ZFAT: variants seen among roughly 807,000 people sequenced by gnomAD.
ZFAT encodes the protein zinc finger protein ZFAT.
ZFAT carries 64 observed loss-of-function variants against 117.7 expected under a neutral mutation model. The observed-to-expected ratio is 0.54, with a 90% CI of 0.44 to 0.67. The LOEUF (loss-of-function observed/expected upper bound fraction) is 0.67, where lower values mean the gene tolerates loss of function less well. ZFAT is among the 30% of genes least tolerant of loss of function. ZFAT has a pLI of 0.00. For synonymous variants in ZFAT, 679 were observed against 615.0 expected (o/e 1.10, Z -1.54); for missense variants, 1,433 against 1,584.5 (o/e 0.90, Z 1.62).
chr8:134,698,480 T>C (rs188557070), intron 1 of ZFAT, among the ~76,000 whole-genome samples: 2 of 152,306 alleles, frequency 1.3e-5, no homozygotes, highest in African/African-American at 2.4e-5. Context: ...TGCTAAAGAA[T>C]TCTGAACTAA....
chr8:134,769,295 G>T, the ZFAT span, among the ~76,000 whole-genome samples: 13 of 152,318 alleles, frequency 8.5e-5, 1 homozygote, highest in East Asian at 1.3e-3. Context: ...TTCAATGGGG[G>T]TATAGCCATT....
At chr8:134,764,623 C>T in the ZFAT span, among the ~76,000 whole-genome samples, 1 of 152,220 alleles carries the variant, frequency 6.6e-6, no homozygotes, top group African/African-American at 2.4e-5. Flanking sequence ...TAAATCACTT[C>T]CCTCCATGAG....
chr8:134,671,682 A>G (rs1174650940), intron 1 of ZFAT, among the ~76,000 whole-genome samples: 8 of 152,186 alleles, frequency 5.3e-5, no homozygotes, highest in South Asian at 2.1e-4. Context: ...CATTCCCTTT[A>G]AAAACTGGCA....
intron 1 of ZFAT, 95 bp downstream of exon 1, chr8:134,712,743 GCCGGCGC>G: frequency 8.4e-7 from 1 of 1,192,152 alleles, no homozygotes; most frequent in Non-Finnish European, 1.1e-6. Flanking sequence ...GCGGCCGGCG[GCCGGCGC>G]ACTGCTTCCC....
At chr8:134,589,191 T>G (rs1173258140) in intron 8 of ZFAT, among the ~76,000 whole-genome samples, 1 of 152,076 alleles carries the variant, frequency 6.6e-6, no homozygotes, top group Non-Finnish European at 1.5e-5. Flanking sequence ...TCAGCAAAGG[T>G]TAGCTGTTTT....
At chr8:134,667,179 A>G (rs1030584711) in intron 1 of ZFAT, among the ~76,000 whole-genome samples, 4 of 152,136 alleles carry the variant, frequency 2.6e-5, no homozygotes, top group Non-Finnish European at 5.9e-5. Flanking sequence ...CAAAAAGGTA[A>G]TGCACGCAGG....
intron 11 of ZFAT, among the ~76,000 whole-genome samples, chr8:134,558,386 A>G (rs551399539): frequency 6.6e-6 from 1 of 152,292 alleles, no homozygotes; most frequent in Non-Finnish European, 1.5e-5. Context: ...TGAAATAATT[A>G]TATCAGTGTT....
chr8:134,788,021 T>G, the ZFAT span, among the ~76,000 whole-genome samples: 1 of 152,148 alleles, frequency 6.6e-6, no homozygotes, highest in African/African-American at 2.4e-5. Flanking sequence ...ATTTTCTTCT[T>G]TCTAAACGTT....
At chr8:134,641,563 C>T (rs1490427908) in intron 2 of ZFAT, among the ~76,000 whole-genome samples, 4 of 152,184 alleles carry the variant, frequency 2.6e-5, no homozygotes, top group Admixed American at 6.5e-5. Flanking sequence ...GGTGTGTATG[C>T]GCCCACACCA....
chr8:134,609,326 A>G (rs1828144592), intron 4 of ZFAT, among the ~76,000 whole-genome samples: 1 of 152,202 alleles, frequency 6.6e-6, no homozygotes, highest in Non-Finnish European at 1.5e-5. Context: ...TTGCTTAAAG[A>G]AATATCAAAA....
chr8:134,812,858 A>T, the ZFAT span, among the ~76,000 whole-genome samples: 1 of 152,316 alleles, frequency 6.6e-6, no homozygotes, highest in Middle Eastern at 3.4e-3. Context: ...AATCCCCATA[A>T]CAACACTATT....
chr8:134,568,669 G>C (rs1824655787), intron 10 of ZFAT, among the ~76,000 whole-genome samples: 1 of 152,198 alleles, frequency 6.6e-6, no homozygotes. Context: ...CTCTGCAAGA[G>C]ACAAGAAAAG....
At chr8:134,791,387 T>TG in the ZFAT span, among the ~76,000 whole-genome samples, 1 of 152,186 alleles carries the variant, frequency 6.6e-6, no homozygotes, top group Non-Finnish European at 1.5e-5. Context: ...CTCTTGCTGT[T>TG]AAAGTCTCAG....
intron 11 of ZFAT, among the ~76,000 whole-genome samples, chr8:134,544,356 G>C (rs1274301441): frequency 6.6e-6 from 1 of 152,068 alleles, no homozygotes; most frequent in African/African-American, 2.4e-5. Flanking sequence ...AAGATTGCTT[G>C]CCTCTTTCTG....
At chr8:134,508,845 CTTCT>C (rs1819604204) in intron 15 of ZFAT, among the ~76,000 whole-genome samples, 1 of 152,208 alleles carries the variant, frequency 6.6e-6, no homozygotes, top group Non-Finnish European at 1.5e-5. Context: ...GTTTGCATTT[CTTCT>C]TTCTCTGTGA....
intron 1 of ZFAT, among the ~76,000 whole-genome samples, chr8:134,710,627 G>A (rs1312933828): frequency 6.6e-6 from 1 of 152,148 alleles, no homozygotes; most frequent in African/African-American, 2.4e-5. Context: ...TTGGATTTTG[G>A]AATATTTGCA....
the ZFAT span, among the ~76,000 whole-genome samples, chr8:134,777,450 C>T: frequency 0.36 from 54,097 of 151,918 alleles, 9,781 homozygotes; most frequent in South Asian, 0.4. Flanking sequence ...CTAAGTCACA[C>T]GTACCTTGGC....
At chr8:134,479,133 C>T (rs1817111986) in intron 15 of ZFAT, among the ~76,000 whole-genome samples, 1 of 152,162 alleles carries the variant, frequency 6.6e-6, no homozygotes, top group Non-Finnish European at 1.5e-5. Flanking sequence ...GCTGGTCCAT[C>T]TGGCAGTGAT....
At chr8:134,610,922 T>C (rs1016855404) in intron 3 of ZFAT, among the ~76,000 whole-genome samples, 1 of 152,252 alleles carries the variant, frequency 6.6e-6, no homozygotes, top group Admixed American at 6.5e-5. Flanking sequence ...TCTTGTCTTG[T>C]CTTGTCTTCA....
Sources: gnomAD v4.1 joint callset for allele counts (sites outside exome capture counted in the v4.1 genomes callset) on GRCh38, gnomAD v4.1.1 for gene constraint, MANE v1.5 for transcripts, NCBI Gene and HGNC (gene_info 2026-07-23, HGNC 2026-07-21) for gene names.